Variants in PLPBP observed in about 807,000 individuals in gnomAD.
PLPBP encodes the protein pyridoxal phosphate binding protein.
PLPBP carries 21 observed loss-of-function variants against 31.2 expected under a neutral mutation model. The observed-to-expected ratio is 0.67, with a 90% CI of 0.48 to 0.97. The LOEUF is 0.97. Ranked by LOEUF, PLPBP falls within the 50% of genes least tolerant of loss-of-function variation. The pLI is 0.00. For synonymous variants in PLPBP, 124 were observed against 135.6 expected, an observed-to-expected ratio of 0.91 and a Z score of 0.59; for missense variants, 308 against 354.4, an observed-to-expected ratio of 0.87 and a Z score of 1.05.
intron 4 of PLPBP, among the ~76,000 whole-genome samples, chr8:37,770,437 T>TAA (rs1214357599): frequency 6.6e-6 from 1 of 152,180 alleles, no homozygotes; most frequent in African/African-American, 2.4e-5. Context: ...TGCAGAAGAA[T>TAA]AAAACTAGAC....
intron 4 of PLPBP, among the ~76,000 whole-genome samples, chr8:37,768,450 T>C (rs1378737902): frequency 2.0e-5 from 3 of 150,616 alleles, no homozygotes; most frequent in Admixed American, 2.0e-4. Context: ...GGTATCTCCT[T>C]ACAGTTTTGA....
chr8:37,762,777 TG>T lies in PLPBP; in HGVS notation c.99+23del, dbSNP rs1031934713. On this transcript the variant is annotated intron_variant, in intron 1 of 7. Coordinates refer to ENST00000328195, the MANE Select transcript of PLPBP (RefSeq NM_007198.4). ...GCCGCGGGTGAGGAAGGAGGCTGCG[TG>T]GGGACGGTGGGCGGCCGCCTTGAGA... 1 of 1,541,012 alleles carries T rather than the reference TG, an allele frequency of 6.5e-7. No homozygotes were observed. Among genetic ancestry groups the T allele is most frequent in the Non-Finnish European group, 8.7e-7 (1 of 1,150,338 alleles).
intron 4 of PLPBP, among the ~76,000 whole-genome samples, chr8:37,768,286 T>G (rs1803685560): frequency 6.6e-6 from 1 of 152,094 alleles, no homozygotes; most frequent in African/African-American, 2.4e-5. Flanking sequence ...AAGTACACTA[T>G]TGTAAAGTTC....
chr8:37,765,879 T>C, intron 3 of PLPBP, 133 bp downstream of exon 3: 3 of 941,314 alleles, frequency 3.2e-6, no homozygotes. Context: ...GGGATAGAAA[T>C]GTCAGCTTCC....
chr8:37,769,947 T>G (rs921182402), intron 4 of PLPBP, among the ~76,000 whole-genome samples: 1 of 152,202 alleles, frequency 6.6e-6, no homozygotes, highest in Non-Finnish European at 1.5e-5. Context: ...GTGAAAGATT[T>G]CTGCAATGAA....
chr8:37,769,401 A>G (rs1314801811), intron 4 of PLPBP, among the ~76,000 whole-genome samples: 2 of 151,914 alleles, frequency 1.3e-5, no homozygotes, highest in Non-Finnish European at 2.9e-5. Flanking sequence ...TCACACAAAA[A>G]TTAAAGCTTT....
chr8:37,776,766 G>GT (rs1803924628), intron 7 of PLPBP, among the ~76,000 whole-genome samples: 1 of 152,010 alleles, frequency 6.6e-6, no homozygotes, highest in Admixed American at 6.6e-5. Flanking sequence ...AAGGCTTCAT[G>GT]TTTGTTTGTT....
At chr8:37,777,378 C>T (rs779110647) in intron 7 of PLPBP, among the ~76,000 whole-genome samples, 2 of 152,110 alleles carry the variant, frequency 1.3e-5, no homozygotes, top group Admixed American at 6.6e-5. Context: ...TGTGTGGCTG[C>T]GTCTCACACT....
At chr8:37,772,590 G>GT (rs1803801357) in intron 4 of PLPBP, among the ~76,000 whole-genome samples, 165 bp from the exon 5 acceptor site, 1 of 152,182 alleles carries the variant, frequency 6.6e-6, no homozygotes, top group South Asian at 2.1e-4. Flanking sequence ...ATTTGAATTT[G>GT]TATCTAGTAA....
intron 7 of PLPBP, among the ~76,000 whole-genome samples, chr8:37,776,643 A>G (rs1377179953): frequency 1.3e-5 from 2 of 152,152 alleles, no homozygotes; most frequent in African/African-American, 2.4e-5. Context: ...ACATAATTCC[A>G]TAAGTGTAGT....
intron 1 of PLPBP, 100 bp from the exon 2 acceptor site, chr8:37,765,426 T>G: frequency 3.6e-6 from 4 of 1,114,462 alleles, no homozygotes; most frequent in Non-Finnish European, 5.4e-6. Flanking sequence ...TAATGCCAAG[T>G]TGAGATCAAT....
upstream of PLPBP, chr8:37,762,631 G>T: frequency 1.3e-6 from 2 of 1,552,656 alleles, no homozygotes; most frequent in Non-Finnish European, 1.7e-6. Context: ...GCTGCCGGGG[G>T]CCTGGGGCTC....
At chr8:37,762,845 G>A (rs1447862019) in intron 1 of PLPBP, 87 bp downstream of exon 1, 2 of 1,476,872 alleles carry the variant, frequency 1.4e-6, no homozygotes, top group Non-Finnish European at 1.8e-6. Flanking sequence ...CGGTGACGCA[G>A]AGGGGTCTCC....
intron 4 of PLPBP, chr8:37,766,696 CA>C: frequency 1.1e-6 from 1 of 890,764 alleles, no homozygotes; most frequent in Non-Finnish European, 1.4e-6. Context: ...TAAAAGGCTA[CA>C]GTAAATAAAA....
intron 4 of PLPBP, among the ~76,000 whole-genome samples, chr8:37,769,756 A>C (rs1180129033): frequency 6.6e-6 from 1 of 152,160 alleles, no homozygotes; most frequent in Admixed American, 6.5e-5. Flanking sequence ...TAAAGATTCC[A>C]CCAAAAAACT....
chr8:37,763,933 A>G (rs1019192586), intron 1 of PLPBP, among the ~76,000 whole-genome samples: 1 of 152,170 alleles, frequency 6.6e-6, no homozygotes, highest in Non-Finnish European at 1.5e-5. Context: ...TACTGTTTCT[A>G]TGTGGATTGG....
chr8:37,772,736 T>C lies in PLPBP; in HGVS notation c.320-19T>C, dbSNP rs768955267. On this transcript the variant is annotated intron_variant, in intron 4 of 7. Transcript: ENST00000328195. Reference sequence around the variant, plus strand: ...ATAGAGCAAATAAGGAATACTACTTTGCCTCTGTCTCATTACAGCTGTCCC... The same window carrying C: ...ATAGAGCAAATAAGGAATACTACTTCGCCTCTGTCTCATTACAGCTGTCCC... The C allele has an allele frequency of 1.9e-6, 3 of 1,613,960 alleles. No homozygotes were observed. The highest frequency in any genetic ancestry group is 3.3e-5 in the Admixed American group (2 of 59,988).
chr8:37,768,465 C>CTTTTTTTTTTTT (rs903134254), intron 4 of PLPBP, among the ~76,000 whole-genome samples: 8 of 76,822 alleles, frequency 1.0e-4, no homozygotes, highest in African/African-American at 1.0e-4. Context: ...TTTTGATTTT[C>CTTTTTTTTTTTT]TTTTTTTTTT....
At chr8:37,765,810 C>A in intron 3 of PLPBP, 64 bp downstream of exon 3, 1 of 1,564,258 alleles carries the variant, frequency 6.4e-7, no homozygotes, top group Admixed American at 1.9e-5. Flanking sequence ...GAAAATTAGA[C>A]CCATCCTGGT....
Sources: gnomAD v4.1 joint callset for allele counts (sites outside exome capture counted in the v4.1 genomes callset) on GRCh38, gnomAD v4.1.1 for gene constraint, MANE v1.5 for transcripts, NCBI Gene and HGNC (gene_info 2026-07-23, HGNC 2026-07-21) for gene names.